The following METTL15 variants were observed in gnomAD, a reference collection of about 807,000 sequenced individuals.
METTL15 encodes the protein methyltransferase 15, mitochondrial 12S rRNA N4-cytidine.
In METTL15, 34 loss-of-function variants were observed where a neutral mutation model predicts 38.3. The ratio of observed to expected loss-of-function variants is 0.89; its 90% CI spans 0.68 to 1.18. METTL15 has a LOEUF of 1.18. Among genes scored for constraint, METTL15 ranks in the 50% most tolerant of loss-of-function variants. The pLI, the probability that METTL15 is intolerant of heterozygous loss-of-function variation, is 0.00. For missense variants in METTL15, 438 were observed against 498.4 expected, an observed-to-expected ratio of 0.88 and a Z score of 1.15; for synonymous variants, 162 against 170.9, an observed-to-expected ratio of 0.95 and a Z score of 0.41.
At chr11:28,374,672 A>T (rs1040602889) in intron 5 of METTL15, among the ~76,000 whole-genome samples, 1 of 150,018 alleles carries the variant, frequency 6.7e-6, no homozygotes, top group African/African-American at 2.4e-5. Context: ...TCTCCTGCCT[A>T]ATTGCCCTGG....
chr11:28,460,205 T>C (rs1167893205), intron 6 of METTL15, among the ~76,000 whole-genome samples: 2 of 152,144 alleles, frequency 1.3e-5, no homozygotes, highest in Non-Finnish European at 2.9e-5. Context: ...AATGTGAGAC[T>C]GTATCTCTAT....
Position 28,510,924 on chromosome 11 carries a change from G to C in METTL15, c.*425-15554G>C, listed in dbSNP as rs138787134. On this transcript the variant is annotated intron_variant and NMD_transcript_variant, in intron 6 of 7. Transcript: ENST00000532947. ...GGCACTAATTTGGAAATGACAAGTT[G>C]GACAGGCTGGGGTTGGTGCATGTTA... is the stretch of plus-strand genomic sequence containing the variant. Among the ~76,000 whole-genome samples the C allele has an allele frequency of 5.5e-4, 84 of 152,262 alleles. 1 individual carries two copies. Among genetic ancestry groups the C allele is most frequent in the Middle Eastern group, 6.8e-3 (2 of 294 alleles).
At chr11:28,379,801 C>G (rs972685471) in intron 5 of METTL15, among the ~76,000 whole-genome samples, 1 of 152,066 alleles carries the variant, frequency 6.6e-6, no homozygotes, top group Non-Finnish European at 1.5e-5. Context: ...CCTTACTGAG[C>G]GTGGATTGTT....
intron 3 of METTL15, among the ~76,000 whole-genome samples, chr11:28,347,059 C>T (rs986530753): frequency 2.8e-4 from 43 of 152,286 alleles, no homozygotes; most frequent in African/African-American, 9.9e-4. Flanking sequence ...AGATGAAATA[C>T]CAAATACTTG....
chr11:28,142,735 G>A (rs1849742380), intron 3 of METTL15, among the ~76,000 whole-genome samples: 1 of 152,090 alleles, frequency 6.6e-6, no homozygotes, highest in South Asian at 2.1e-4. Context: ...TAAAAGCTGT[G>A]GGAATTCATT....
chr11:28,434,395 A>G (rs11820674), intron 6 of METTL15, among the ~76,000 whole-genome samples: 8,359 of 152,288 alleles, frequency 0.055, 404 homozygotes, highest in African/African-American at 0.13. Context: ...ACTAAGGCAG[A>G]TGGCATAATC....
chr11:28,476,799 C>G (rs1458477196), intron 6 of METTL15, among the ~76,000 whole-genome samples: 1 of 152,112 alleles, frequency 6.6e-6, no homozygotes, highest in Non-Finnish European at 1.5e-5. Flanking sequence ...TAAAAAAGTT[C>G]AACCAATGAC....
chr11:28,522,216 G>C (rs1851770682), intron 6 of METTL15, among the ~76,000 whole-genome samples: 1 of 152,156 alleles, frequency 6.6e-6, no homozygotes, highest in Non-Finnish European at 1.5e-5. Flanking sequence ...ATTGATATGT[G>C]TATATGAGCA....
chr11:28,220,908 G>A (rs1009264983), intron 4 of METTL15, among the ~76,000 whole-genome samples: 3 of 152,222 alleles, frequency 2.0e-5, no homozygotes, highest in Non-Finnish European at 4.4e-5. Context: ...CTTCTGGCTT[G>A]TAGAGTTTTG....
chr11:28,111,427 T>G (rs1480197789), intron 2 of METTL15, among the ~76,000 whole-genome samples: 1 of 152,208 alleles, frequency 6.6e-6, no homozygotes, highest in Non-Finnish European at 1.5e-5. Flanking sequence ...CGTTCATTAC[T>G]GGGAACCCCG....
At chr11:28,302,169 T>G (rs1343484598) in intron 6 of METTL15, among the ~76,000 whole-genome samples, 2 of 152,152 alleles carry the variant, frequency 1.3e-5, no homozygotes, top group Admixed American at 6.6e-5. Flanking sequence ...ACCTCCTGGC[T>G]CAGCTTCCTG....
chr11:28,528,958 G>A (rs1851829171), downstream of METTL15, among the ~76,000 whole-genome samples: 1 of 152,170 alleles, frequency 6.6e-6, no homozygotes, highest in African/African-American at 2.4e-5. Flanking sequence ...TGTTTGACAT[G>A]TAATAGTAAT....
intron 3 of METTL15, among the ~76,000 whole-genome samples, chr11:28,183,998 G>T (rs971861479): frequency 1.3e-5 from 2 of 152,000 alleles, no homozygotes; most frequent in Admixed American, 1.3e-4. Flanking sequence ...GGGTGTGTGT[G>T]TCCAGGAATT....
At chr11:28,287,196 GTT>G (rs1491011397) in intron 4 of METTL15, 9 of 210,746 alleles carry the variant, frequency 4.3e-5, no homozygotes, top group African/African-American at 1.1e-4. Flanking sequence ...GTGTGTGTGT[GTT>G]CATGAGGCAT....
intron 4 of METTL15, 67 bp downstream of exon 4, chr11:28,211,265 T>G: frequency 1.4e-6 from 2 of 1,462,250 alleles, no homozygotes; most frequent in Admixed American, 2.2e-5. Flanking sequence ...GTTTACCACC[T>G]TGGAATTTGT....
chr11:28,504,114 C>T (rs1851607494), intron 6 of METTL15, among the ~76,000 whole-genome samples: 1 of 143,894 alleles, frequency 6.9e-6, no homozygotes, highest in Admixed American at 7.5e-5. Context: ...AGGAGAATCG[C>T]TTGAACCCGG....
intron 6 of METTL15, among the ~76,000 whole-genome samples, chr11:28,431,877 A>G (rs905919921): frequency 3.7e-4 from 56 of 151,646 alleles, no homozygotes; most frequent in African/African-American, 1.3e-3. Context: ...TTTGGTGAAA[A>G]CTATACTCAC....
intron 2 of METTL15, among the ~76,000 whole-genome samples, chr11:28,111,100 A>G (rs1851698656): frequency 6.6e-6 from 1 of 152,160 alleles, no homozygotes; most frequent in African/African-American, 2.4e-5. Flanking sequence ...TATTGCAGGA[A>G]ACAAGAGGCA....
intron 2 of METTL15, among the ~76,000 whole-genome samples, chr11:28,111,065 C>A (rs1466711217): frequency 6.6e-6 from 1 of 152,114 alleles, no homozygotes; most frequent in East Asian, 1.9e-4. Flanking sequence ...ATGCCACACC[C>A]CCAGCTTCCA....
Sources: gnomAD v4.1 joint callset for allele counts (sites outside exome capture counted in the v4.1 genomes callset) on GRCh38, gnomAD v4.1.1 for gene constraint, MANE v1.5 for transcripts, NCBI Gene and HGNC (gene_info 2026-07-23, HGNC 2026-07-21) for gene names.